Variants in PRAG1 observed in about 807,000 individuals in gnomAD.
The protein encoded by PRAG1 is PEAK1 related, kinase-activating pseudokinase 1, also known as inactive tyrosine-protein kinase PRAG1.
Under a neutral mutation model 95.6 loss-of-function variants are expected in PRAG1, and 110 were observed. The observed-to-expected ratio is 1.15, with a 90% confidence interval of 0.99 to 1.35. PRAG1 has a LOEUF of 1.35. Ranked by LOEUF, PRAG1 falls within the 40% of genes most tolerant of loss-of-function variation. The pLI is 0.00. For synonymous variants in PRAG1, 1,052 were observed against 819.4 expected (o/e 1.28, Z -4.85); for missense variants, 2,554 against 1,864.7 (o/e 1.37, Z -6.81).
At chr8:8,362,162 T>C (rs1287955392) in intron 3 of PRAG1, among the ~76,000 whole-genome samples, 1 of 152,186 alleles carries the variant, frequency 6.6e-6, no homozygotes, top group Non-Finnish European at 1.5e-5. Context: ...CTAATGGAAA[T>C]TTAGGCTCCT....
At chr8:8,323,982 T>C (rs1798550078) in intron 5 of PRAG1, among the ~76,000 whole-genome samples, 1 of 152,226 alleles carries the variant, frequency 6.6e-6, no homozygotes, top group African/African-American at 2.4e-5. Context: ...CAAAGCATGT[T>C]TTCTCCTCTG....
chr8:8,384,292 C>A (rs1156893725), intron 1 of PRAG1, among the ~76,000 whole-genome samples: 2 of 152,016 alleles, frequency 1.3e-5, no homozygotes, highest in Non-Finnish European at 2.9e-5. Context: ...GATTCCCCAA[C>A]CTTTGCACAG....
intron 5 of PRAG1, among the ~76,000 whole-genome samples, chr8:8,327,366 TCAAGACCAGCCGG>T (rs1798665237): frequency 1.3e-5 from 2 of 151,870 alleles, no homozygotes; most frequent in African/African-American, 4.8e-5. Context: ...GGTCAGGAGT[TCAAGACCAGCCGG>T]GCCAATATGG....
rs748459961 is a variant in PRAG1 at position 8,376,633 on chromosome 8, A to G, written c.1776T>C (p.Pro592=). Residue 592 remains proline (P), a synonymous_variant, in exon 3 of 6, where the codon CCT becomes CCC. Transcript: ENST00000615670. ...SIGPQPPSQG[P]ADPAPSCRTN... Reference sequence around the variant, plus strand: ...TCCGGCAGGAAGGAGCGGGGTCAGCAGGACCTTGGGATGGAGGCTGGGGCC... The same window carrying G: ...TCCGGCAGGAAGGAGCGGGGTCAGCGGGACCTTGGGATGGAGGCTGGGGCC... 2.9e-5 allele frequency: 47 copies of G among 1,606,090 alleles called. No individual in the cohort carries two copies. In the Admixed American group the frequency reaches 7.9e-4, roughly 27 times the overall value.
At chr8:8,320,517 G>A (rs1276300836) in intron 5 of PRAG1, among the ~76,000 whole-genome samples, 1 of 152,154 alleles carries the variant, frequency 6.6e-6, no homozygotes, top group African/African-American at 2.4e-5. Context: ...ATGGCCCTCT[G>A]TCAGGCCTCA....
chr8:8,322,832 G>A (rs574282491), intron 5 of PRAG1, among the ~76,000 whole-genome samples: 11 of 151,914 alleles, frequency 7.2e-5, no homozygotes, highest in South Asian at 2.1e-4. Flanking sequence ...AAGCTCCCCC[G>A]GCCCCCTCAA....
rs778690956 is a variant in PRAG1 at position 8,377,414 on chromosome 8, G to C, written c.995C>G (p.Ser332Trp). ...CLGPKKLSLT[S>W]EAAISSDGLS... The stretch of plus-strand genomic sequence containing the variant: ...GCCGTCGGAAGAAATGGCAGCCTCC[G>C]AGGTGAGGGACAGTTTCTTGGGGCC... The change falls in exon 3 of 6, where the codon TCG (serine) becomes TGG (tryptophan). Residue 332 changes from serine to tryptophan, a missense_variant. Transcript: ENST00000615670. The C allele has an allele frequency of 1.3e-6, 2 of 1,571,756 alleles. No homozygotes were observed. The highest frequency in any genetic ancestry group is 2.4e-5 in the South Asian group (2 of 82,978).
chr8:8,382,776 T>G (rs1167097239), intron 1 of PRAG1, among the ~76,000 whole-genome samples: 1 of 152,048 alleles, frequency 6.6e-6, no homozygotes, highest in Non-Finnish European at 1.5e-5. Context: ...TACCTTGAAA[T>G]CATTCCATCA....
chr8:8,324,242 C>T (rs542115515), intron 5 of PRAG1, among the ~76,000 whole-genome samples: 1 of 152,122 alleles, frequency 6.6e-6, no homozygotes, highest in Non-Finnish European at 1.5e-5. Context: ...TTCCAAGGCT[C>T]CTTTTTCTCA....
intron 5 of PRAG1, among the ~76,000 whole-genome samples, chr8:8,319,766 C>A (rs966011325): frequency 1.1e-4 from 16 of 151,778 alleles, no homozygotes; most frequent in African/African-American, 1.9e-4. Flanking sequence ...AACAAACAAA[C>A]AAAAAAACGT....
At chr8:8,353,106 A>G (rs1286811195) in intron 3 of PRAG1, among the ~76,000 whole-genome samples, 4 of 152,258 alleles carry the variant, frequency 2.6e-5, no homozygotes, top group Admixed American at 2.6e-4. Flanking sequence ...AATAGATAGC[A>G]GTATAATTAT....
chr8:8,383,573 C>A (rs534748289), intron 1 of PRAG1, among the ~76,000 whole-genome samples: 6 of 151,852 alleles, frequency 4.0e-5, no homozygotes, highest in Non-Finnish European at 8.8e-5. Context: ...TAGAGTGAGA[C>A]CCTGTCTAAA....
chr8:8,339,016 T>C (rs1320934523), intron 4 of PRAG1, among the ~76,000 whole-genome samples: 1 of 152,168 alleles, frequency 6.6e-6, no homozygotes, highest in Non-Finnish European at 1.5e-5. Context: ...GTAGTCTTCA[T>C]GCTTAATTCA....
intron 1 of PRAG1, among the ~76,000 whole-genome samples, chr8:8,384,243 G>A (rs993155719): frequency 6.6e-6 from 1 of 152,054 alleles, no homozygotes; most frequent in African/African-American, 2.4e-5. Flanking sequence ...TTGTTTTTGC[G>A]GAAGGGGTGA....
At chr8:8,360,985 C>A (rs1229677647) in intron 3 of PRAG1, among the ~76,000 whole-genome samples, 1 of 152,146 alleles carries the variant, frequency 6.6e-6, no homozygotes, top group Non-Finnish European at 1.5e-5. Context: ...GATCATATTT[C>A]TTTCTTCCCC....
chr8:8,366,432 G>C (rs1800010667), intron 3 of PRAG1, among the ~76,000 whole-genome samples: 2 of 151,318 alleles, frequency 1.3e-5, no homozygotes, highest in Admixed American at 6.6e-5. Flanking sequence ...TTCTGCCTCA[G>C]CCTCCTGAGT....
intron 2 of PRAG1, 89 bp from the exon 3 acceptor site, chr8:8,378,167 T>C: frequency 7.0e-7 from 1 of 1,433,078 alleles, no homozygotes; most frequent in East Asian, 2.3e-5. Flanking sequence ...AGGGCAACGA[T>C]ACTGTAGAAT....
At chr8:8,324,087 G>A (rs1798555472) in intron 5 of PRAG1, among the ~76,000 whole-genome samples, 1 of 152,206 alleles carries the variant, frequency 6.6e-6, no homozygotes. Flanking sequence ...GCCCAGCCCA[G>A]GGCAAGCACA....
Position 8,377,687 on chromosome 8 carries a change from CT to C in PRAG1, c.721del (p.Arg241GlyfsTer129), listed in dbSNP as rs759551193. The C allele has an allele frequency of 3.2e-5, 52 of 1,613,782 alleles. No individual in the cohort carries two copies. The highest frequency in any genetic ancestry group is 4.3e-5 in the Non-Finnish European group (51 of 1,180,002). On this transcript the variant is annotated frameshift_variant, in exon 3 of 6. Coordinates refer to ENST00000615670, the MANE Select transcript of PRAG1 (RefSeq NM_001080826.3). LOFTEE classifies it high-confidence loss of function. ...SLPSEDDSDQ[R>X]CSPSGDSEGG... ...CTCGCTGTCCCCGGAGGGCGAGCAC[CT>C]TTGATCACTGTCATCCTCCGAGGGC...
Sources: allele counts gnomAD v4.1 joint callset (sites outside exome capture counted in the v4.1 genomes callset), GRCh38; gene constraint gnomAD v4.1.1; transcripts MANE v1.5; gene names NCBI Gene and HGNC (gene_info 2026-07-23, HGNC 2026-07-21).